TNK1: variants seen among roughly 807,000 people sequenced by gnomAD.
The protein encoded by TNK1 is tyrosine kinase non receptor 1.
A neutral mutation model predicts 65.2 loss-of-function variants in TNK1; 53 were observed. The ratio of observed to expected loss-of-function variants is 0.81; its 90% confidence interval spans 0.65 to 1.02. TNK1 has a LOEUF of 1.02. Among genes scored for constraint, TNK1 ranks in the 50% least tolerant of loss-of-function variants. The pLI is 0.00. For synonymous variants in TNK1, 353 were observed against 364.6 expected, an observed-to-expected ratio of 0.97 and a Z score of 0.36; for missense variants, 837 against 878.4, an observed-to-expected ratio of 0.95 and a Z score of 0.60.
At position 7,383,090 on chromosome 17, in the gene TNK1, G is replaced by C. The variant is rs777763861; in HGVS notation, c.163+1G>C. The C allele has an allele frequency of 1.2e-6, 2 of 1,613,804 alleles. No individual in the cohort carries two copies. Among genetic ancestry groups the C allele is most frequent in the African/African-American group, 2.7e-5 (2 of 74,922 alleles). Reference sequence around the variant, plus strand: ...GACGGCATTGGCATGGGCCGGCCTGGTGAGGGACCCCTGCCCCGAGGCCCT... The same window carrying C: ...GACGGCATTGGCATGGGCCGGCCTGCTGAGGGACCCCTGCCCCGAGGCCCT... On this transcript the variant is annotated splice_donor_variant, in intron 2 of 12. Transcript: ENST00000688331. LOFTEE classifies it high-confidence loss of function.
In TNK1 at chr17:7,388,195, G is replaced by A. The variant is rs1287495992; in HGVS notation, c.1478-211G>A. 5.9e-5 allele frequency among the ~76,000 whole-genome samples: 9 copies of A among 152,230 alleles called. No homozygotes were observed. Among genetic ancestry groups the A allele is most frequent in the Non-Finnish European group, 8.8e-5 (6 of 68,040 alleles). ...AATCCCAGCACTTTGGGAGCCCAGC[G>A]TGGGTGGATGGCTTGAGTCCAGGAG... On this transcript the variant is annotated intron_variant, in intron 10 of 12. Transcript: ENST00000688331. This position sits in a 1 kb window ranked among gnomAD's most constrained non-coding sequence, Gnocchi z 4.5.
In TNK1 at chr17:7,383,108, G is replaced by C; in HGVS notation, c.163+19G>C. On this transcript the variant is annotated intron_variant, in intron 2 of 12. Coordinates refer to ENST00000688331, the MANE Select transcript of TNK1 (RefSeq NM_003985.6). Reference sequence around the variant, plus strand: ...CGGCCTGGTGAGGGACCCCTGCCCCGAGGCCCTGGTCTCTCTGTCCACAGC... The same window carrying C: ...CGGCCTGGTGAGGGACCCCTGCCCCCAGGCCCTGGTCTCTCTGTCCACAGC... 1 of 1,613,666 alleles carries C rather than the reference G, an allele frequency of 6.2e-7. No individual in the cohort carries two copies. The highest frequency in any genetic ancestry group is 1.3e-5 in the African/African-American group (1 of 75,024).
chr17:7,387,251 G>A, intron 9 of TNK1, 97 bp downstream of exon 9: 1 of 1,510,384 alleles, frequency 6.6e-7, no homozygotes, highest in Non-Finnish European at 8.9e-7. Context: ...GGACCAGAGT[G>A]AAGCTGCAGC....
chr17:7,386,994 G>A lies in TNK1; in HGVS notation c.1237G>A (p.Asp413Asn), dbSNP rs750742958. 48 of 1,562,404 alleles carry A rather than the reference G, an allele frequency of 3.1e-5. No homozygotes were observed. The East Asian group carries it at 6.5e-4, about 21-fold the overall frequency. ...TACCAGCTCCTCTTTCCACAGCCCC[G>A]ACTCCACAATCTGGAAGGGCCAGAA... ...DPITVIEGSP[D>N]STIWKGQNGR... The change falls in exon 9 of 13, where the codon GAC becomes AAC. Residue 413 changes from aspartate to asparagine, a missense_variant. Physicochemically the swap from Asp to Asn is conservative, Grantham distance 23 (BLOSUM62 1). Coordinates refer to ENST00000688331, the MANE Select transcript of TNK1 (RefSeq NM_003985.6).
At position 7,384,525 on chromosome 17, in the gene TNK1, C is replaced by A; in HGVS notation, c.908C>A (p.Ala303Asp). The A allele has an allele frequency of 6.3e-7, 1 of 1,598,944 alleles. No individual in the cohort carries two copies. Among genetic ancestry groups the A allele is most frequent in the Non-Finnish European group, 8.5e-7 (1 of 1,170,350 alleles). The change falls in exon 7 of 13, where the codon GCC (alanine) becomes GAC (aspartate). Residue 303 changes from alanine to aspartate, a missense_variant. Coordinates refer to ENST00000688331, the MANE Select transcript of TNK1 (RefSeq NM_003985.6). ...CTGCGCCACGGAGCCTTCTCGTCTG[C>A]CTCGGACGTGTGGATGTTTGGGGTG... ...ESLRHGAFSS[A>D]SDVWMFGVTL...
intron 8 of TNK1, 121 bp downstream of exon 8, chr17:7,386,776 C>T (rs1321584529): frequency 5.5e-6 from 6 of 1,100,152 alleles, no homozygotes; most frequent in Middle Eastern, 2.0e-4. Context: ...CATCTCCTCT[C>T]CCCACTGGGT....
chr17:7,386,827 C>T (rs1174799071), intron 8 of TNK1, 163 bp from the exon 9 acceptor site: 5 of 1,139,212 alleles, frequency 4.4e-6, no homozygotes, highest in Non-Finnish European at 6.2e-6. Flanking sequence ...CTGCTGGAGC[C>T]ACTGCTGGCC....
chr17:7,384,089 G>C lies in TNK1; in HGVS notation c.702G>C (p.Ala234=), dbSNP rs1174231645. Residue 234 remains alanine (A), a synonymous_variant, in exon 6 of 13, where the codon GCG becomes GCC. Transcript: ENST00000688331. ...TGCGGCAGCTGGCGGGAGCCATGGC[G>C]TACCTGGGGGCCCGCGGGCTGGTGC... ...LFLRQLAGAM[A]YLGARGLVHR... is the part of the protein sequence containing the mutation. The C allele has an allele frequency of 6.5e-7, 1 of 1,543,114 alleles. No homozygotes were observed. The highest frequency in any genetic ancestry group is 8.7e-7 in the Non-Finnish European group (1 of 1,151,988).
At position 7,389,413 on chromosome 17, in the gene TNK1, A is replaced by T. The variant is rs1905449400; in HGVS notation, c.*329A>T. 2.1e-6 allele frequency: 1 copy of T among 474,250 alleles called. No homozygotes were observed. Among genetic ancestry groups the T allele is most frequent in the African/African-American group, 2.0e-5 (1 of 51,126 alleles). The allele number at this position is 474,250 out of a possible 1,614,324, so 29.4% of individuals were successfully genotyped here. ...TATGCAGAGGAAGCTTCTACGCGCT[A>T]GAGAGGATCAAGGGGCCACACTGGA... On this transcript the variant is annotated 3_prime_UTR_variant, in exon 13 of 13. Transcript: ENST00000688331.
chr17:7,388,145 G>A lies in TNK1; in HGVS notation c.1478-261G>A, dbSNP rs755295008. The stretch of plus-strand genomic sequence containing the variant: ...AGCACAGATGAAGACAGAGAGTGGG[G>A]CCAGGCATGGTGGCTCAAGCCTGTA... On this transcript the variant is annotated intron_variant, in intron 10 of 12. Coordinates refer to ENST00000688331, the MANE Select transcript of TNK1 (RefSeq NM_003985.6). This position sits in a 1 kb window ranked among gnomAD's most constrained non-coding sequence, Gnocchi z 4.5. Among the ~76,000 whole-genome samples the A allele has an allele frequency of 6.6e-5, 10 of 152,220 alleles. No individual in the cohort carries two copies. The highest frequency in any genetic ancestry group is 1.3e-4 in the Admixed American group (2 of 15,282).
Position 7,384,814 on chromosome 17 carries a change from G to T in TNK1, c.1137+60G>T, listed in dbSNP as rs893063202. 7.9e-6 allele frequency: 12 copies of T among 1,518,520 alleles called. No homozygotes were observed. In the African/African-American group the frequency reaches 1.4e-4, roughly 17 times the overall value. 94.1% of individuals were successfully genotyped at this position (1,518,520 alleles called of 1,614,324 possible). On this transcript the variant is annotated intron_variant, in intron 7 of 12. Transcript: ENST00000688331. The stretch of plus-strand genomic sequence containing the variant: ...CTCTTCCCTCCATTCGCTCTCCCAG[G>T]GTTCCATGCGAAGACTAACACATCT...
chr17:7,386,138 G>C (rs1905167607), intron 7 of TNK1, among the ~76,000 whole-genome samples: 2 of 152,210 alleles, frequency 1.3e-5, no homozygotes, highest in Non-Finnish European at 2.9e-5. Flanking sequence ...ATGGATTAGA[G>C]GGATGATGCT....
At position 7,388,617 on chromosome 17, in the gene TNK1, C is replaced by T. The variant is rs966181148; in HGVS notation, c.1689C>T (p.His563=). Residue 563 remains histidine (H), a synonymous_variant, in exon 11 of 13, where the codon CAC becomes CAT. Transcript: ENST00000688331. The surrounding 1 kb of genome is among the most constrained non-coding windows in gnomAD (Gnocchi z 4.5). Reference sequence around the variant, plus strand: ...CCAAAAGAAAACCCCCACACAATCACCCCATGGGAATGCCTGGAGCCCGTA... The same window carrying T: ...CCAAAAGAAAACCCCCACACAATCATCCCATGGGAATGCCTGGAGCCCGTA... ...PWPKRKPPHN[H]PMGMPGARKA... is the part of the protein sequence containing the mutation. 2.0e-5 allele frequency: 33 copies of T among 1,613,904 alleles called. No individual in the cohort carries two copies. The South Asian group carries it at 3.4e-4, about 17-fold the overall frequency.
intron 10 of TNK1, among the ~76,000 whole-genome samples, chr17:7,387,982 G>A (rs1461853882): frequency 6.6e-6 from 1 of 152,206 alleles, no homozygotes; most frequent in Non-Finnish European, 1.5e-5. Flanking sequence ...TGGGCCCTGA[G>A]CTCTGAGTTC....
rs71157278 is a variant in TNK1 at position 7,382,726 on chromosome 17, C to CG, written c.-91-110_-91-109insG. The stretch of plus-strand genomic sequence containing the variant: ...GTGAAGGGACAGAGTACCCGGATGC[C>CG]TGGGCACGGGGAACATTCTATCTGG... On this transcript the variant is annotated intron_variant, in intron 1 of 12. Coordinates refer to ENST00000688331, the MANE Select transcript of TNK1 (RefSeq NM_003985.6). This position sits in a 1 kb window ranked among gnomAD's most constrained non-coding sequence, Gnocchi z 4.1. The CG allele has an allele frequency of 1, 605,734 of 607,842 alleles. 301,851 individuals are homozygous for CG. The highest frequency in any genetic ancestry group is 1 in the East Asian group (34,922 of 34,924). 37.7% of individuals were successfully genotyped at this position (607,842 alleles called of 1,614,324 possible).
Position 7,384,224 on chromosome 17 carries a change from G to T in TNK1, c.837G>T (p.Met279Ile), listed in dbSNP as rs781016874. 3.3e-6 allele frequency: 5 copies of T among 1,511,068 alleles called. No individual in the cohort carries two copies. The South Asian group carries it at 6.2e-5, about 19-fold the overall frequency. The allele number at this position is 1,511,068 out of a possible 1,614,324, so 93.6% of individuals were successfully genotyped here. ...PLGGARGRYV[M>I]GGPRPIPYAW... ...GCGGTGCCCGGGGCCGCTACGTCATGGGCGGGCCCCGCCCTATCCCCTACG... is the reference window on the plus strand; with the variant it reads ...GCGGTGCCCGGGGCCGCTACGTCATTGGCGGGCCCCGCCCTATCCCCTACG... Residue 279 changes from methionine (M) to isoleucine (I), a missense_variant, in exon 6 of 13, where the codon ATG becomes ATT. Transcript: ENST00000688331.
chr17:7,384,819 C>T (rs1361943430), intron 7 of TNK1, 65 bp downstream of exon 7: 6 of 1,510,966 alleles, frequency 4.0e-6, no homozygotes, highest in Non-Finnish European at 5.3e-6. Flanking sequence ...CCCAGGGTTC[C>T]ATGCGAAGAC....
chr17:7,382,265 C>A lies in TNK1; in HGVS notation c.-91-571C>A, dbSNP rs1301483039. ...TAGATGACAGAGCGAGACTCCGTCT[C>A]AAAAAAAAAAAAAAAGAGGACATGT... On this transcript the variant is annotated intron_variant, in intron 1 of 12. Transcript: ENST00000688331. The surrounding 1 kb of genome is among the most constrained non-coding windows in gnomAD (Gnocchi z 4.1). Among the ~76,000 whole-genome samples the A allele has an allele frequency of 3.6e-3, 493 of 137,222 alleles. No individual in the cohort carries two copies. The highest frequency in any genetic ancestry group is 7.9e-3 in the Middle Eastern group (2 of 252). 90.0% of individuals were successfully genotyped at this position (137,222 alleles called of 152,430 possible).
At chr17:7,387,294 CCT>C in intron 9 of TNK1, 82 bp from the exon 10 acceptor site, 1 of 1,526,910 alleles carries the variant, frequency 6.5e-7, no homozygotes, top group East Asian at 2.4e-5. Flanking sequence ...CCTGGGTTCC[CCT>C]GTGAGTTTTT....
Sources: gnomAD v4.1 joint callset for allele counts (sites outside exome capture counted in the v4.1 genomes callset) on GRCh38, gnomAD v4.1.1 for gene constraint, Gnocchi (gnomAD v3.1) non-coding constraint, MANE v1.5 for transcripts, NCBI Gene and HGNC (gene_info 2026-07-23, HGNC 2026-07-21) for gene names.